Variants in NPAS3 observed in about 807,000 individuals in gnomAD.
NPAS3 encodes the protein neuronal PAS domain protein 3.
In NPAS3, 14 loss-of-function variants were observed where a neutral mutation model predicts 73.1. The ratio of observed to expected loss-of-function variants is 0.19; its 90% CI spans 0.13 to 0.30. NPAS3 has a LOEUF of 0.30. NPAS3 is among the 10% of genes least tolerant of loss of function. The pLI is 1.00. For synonymous variants in NPAS3, 620 were observed against 541.5 expected, an observed-to-expected ratio of 1.14 and a Z score of -2.01; for missense variants, 1,096 against 1,250.0, an observed-to-expected ratio of 0.88 and a Z score of 1.86.
chr14:33,615,453 G>A (rs200016130), intron 5 of NPAS3, among the ~76,000 whole-genome samples: 171 of 152,232 alleles, frequency 1.1e-3, no homozygotes, highest in South Asian at 4.8e-3. Flanking sequence ...AGGAGTAAGC[G>A]AGGACTTGGG....
At chr14:33,130,909 C>T (rs1315405000) in intron 2 of NPAS3, among the ~76,000 whole-genome samples, 3 of 152,046 alleles carry the variant, frequency 2.0e-5, no homozygotes, top group Admixed American at 1.3e-4. Flanking sequence ...TATAAGAAAC[C>T]TTCAATTTTT....
At chr14:33,439,834 G>A (rs140117180) in intron 4 of NPAS3, among the ~76,000 whole-genome samples, 12 of 152,240 alleles carry the variant, frequency 7.9e-5, no homozygotes, top group African/African-American at 2.9e-4. Flanking sequence ...GGAATGTTAC[G>A]GCTGGGCGTG....
At chr14:33,596,956 G>A (rs896336332) in intron 5 of NPAS3, among the ~76,000 whole-genome samples, 1 of 152,192 alleles carries the variant, frequency 6.6e-6, no homozygotes, top group Non-Finnish European at 1.5e-5. Flanking sequence ...TTTATCCAGG[G>A]ACATCCTGTG....
At chr14:33,094,492 G>T (rs2138838475) in intron 2 of NPAS3, among the ~76,000 whole-genome samples, 1 of 148,194 alleles carries the variant, frequency 6.7e-6, no homozygotes, top group South Asian at 2.1e-4. Flanking sequence ...TTGAGATGGA[G>T]TCTCACTCTG....
At chr14:33,578,097 C>T in intron 5 of NPAS3, 1 of 453,370 alleles carries the variant, frequency 2.2e-6, no homozygotes, top group Non-Finnish European at 4.4e-6. Flanking sequence ...AAGGCCGTTA[C>T]TGCTCACAGA....
At chr14:33,199,761 T>C (rs2046543734) in intron 2 of NPAS3, among the ~76,000 whole-genome samples, 1 of 140,664 alleles carries the variant, frequency 7.1e-6, no homozygotes, top group African/African-American at 2.6e-5. Flanking sequence ...CTCCTTTCAC[T>C]ATAATACCAC....
At chr14:33,115,578 A>C (rs1163053689) in intron 2 of NPAS3, among the ~76,000 whole-genome samples, 2 of 152,180 alleles carry the variant, frequency 1.3e-5, no homozygotes, top group Non-Finnish European at 2.9e-5. Flanking sequence ...GTTCCATCTT[A>C]ACTAGAGACA....
chr14:33,078,456 C>A (rs547096896), intron 2 of NPAS3, among the ~76,000 whole-genome samples: 1 of 151,002 alleles, frequency 6.6e-6, no homozygotes, highest in Non-Finnish European at 1.5e-5. Flanking sequence ...ACATCACCAT[C>A]TATGGTAATG....
intron 9 of NPAS3, among the ~76,000 whole-genome samples, chr14:33,791,458 A>G (rs2138619785): frequency 6.6e-6 from 1 of 152,332 alleles, no homozygotes; most frequent in South Asian, 2.1e-4. Context: ...CTCAGGAAAC[A>G]CAGATCCATT....
At chr14:33,702,610 A>G (rs2060552259) in intron 6 of NPAS3, among the ~76,000 whole-genome samples, 1 of 152,140 alleles carries the variant, frequency 6.6e-6, no homozygotes. Context: ...AAGAACACTA[A>G]CATTCAATGG....
chr14:33,059,202 T>C (rs74041773), intron 2 of NPAS3, among the ~76,000 whole-genome samples: 1,606 of 152,356 alleles, frequency 0.011, 31 homozygotes, highest in African/African-American at 0.037. Context: ...ACTATAATTC[T>C]ATGGTTTTAT....
chr14:33,771,919 A>C (rs985905075), intron 7 of NPAS3, among the ~76,000 whole-genome samples: 7 of 152,362 alleles, frequency 4.6e-5, no homozygotes, highest in African/African-American at 1.7e-4. Context: ...ACATGGAAAC[A>C]TAGTTCCAGG....
chr14:33,208,393 A>G (rs1321100949), intron 2 of NPAS3, among the ~76,000 whole-genome samples: 1 of 152,164 alleles, frequency 6.6e-6, no homozygotes, highest in Non-Finnish European at 1.5e-5. Context: ...ATTGGCTAAA[A>G]CCAATTAATT....
intron 3 of NPAS3, among the ~76,000 whole-genome samples, chr14:33,216,989 C>A (rs1202337864): frequency 6.6e-6 from 1 of 152,110 alleles, no homozygotes; most frequent in Admixed American, 6.6e-5. Context: ...AAAAAACTAC[C>A]CGAGAATGGA....
chr14:33,257,551 C>T (rs183490496), intron 3 of NPAS3, among the ~76,000 whole-genome samples: 110 of 152,252 alleles, frequency 7.2e-4, no homozygotes, highest in Admixed American at 2.5e-3. Flanking sequence ...TATCTACATA[C>T]AAGTGTGCTG....
At chr14:33,682,120 TTATCAAACTG>T (rs773914423) in intron 6 of NPAS3, among the ~76,000 whole-genome samples, 2 of 152,228 alleles carry the variant, frequency 1.3e-5, no homozygotes, top group African/African-American at 4.8e-5. Context: ...TGATGAATGT[TTATCAAACTG>T]TAAACACACA....
rs117348555 is a variant in NPAS3, at chr14:33,711,175, T to G, written c.734-24039T>G. 1.4e-4 allele frequency among the ~76,000 whole-genome samples: 21 copies of G among 152,344 alleles called. No individual in the cohort carries two copies. The East Asian group carries it at 3.1e-3, about 22-fold the overall frequency. On this transcript the variant is annotated intron_variant, in intron 6 of 11. Transcript: ENST00000356141. ...TCCTGATTATCTTATAACTGCACAT[T>G]AAAAATTTACTAAGATAAAATTAAT...
chr14:33,090,251 C>A (rs78736418), intron 2 of NPAS3, among the ~76,000 whole-genome samples: 2 of 151,914 alleles, frequency 1.3e-5, no homozygotes, highest in Non-Finnish European at 2.9e-5. Flanking sequence ...ATTCAGGAAA[C>A]CCATCTCATG....
chr14:33,396,481 G>C (rs181446051), intron 4 of NPAS3, among the ~76,000 whole-genome samples: 87 of 152,186 alleles, frequency 5.7e-4, no homozygotes, highest in African/African-American at 2.1e-3. Context: ...ACTATTGTTT[G>C]TTTCAGAATT....
Sources: allele counts gnomAD v4.1 joint callset (sites outside exome capture counted in the v4.1 genomes callset), GRCh38; gene constraint gnomAD v4.1.1; transcripts MANE v1.5; gene names NCBI Gene and HGNC (gene_info 2026-07-23, HGNC 2026-07-21).